ATRNL1: variants seen among roughly 807,000 people sequenced by gnomAD.
ATRNL1 encodes the protein attractin like 1, also known as attractin-like protein 1.
A neutral mutation model predicts 182.7 loss-of-function variants in ATRNL1; 95 were observed. The ratio of observed to expected loss-of-function variants is 0.52; its 90% CI spans 0.44 to 0.62. The LOEUF is 0.62. Ranked by LOEUF, ATRNL1 falls within the 20% of genes least tolerant of loss-of-function variation. ATRNL1 has a pLI of 0.00. For synonymous variants in ATRNL1, 576 were observed against 568.3 expected (o/e 1.01, Z -0.19); for missense variants, 1,471 against 1,679.5 (o/e 0.88, Z 2.17).
intron 14 of ATRNL1, among the ~76,000 whole-genome samples, chr10:115,282,373 G>A (rs1852408279): frequency 6.7e-6 from 1 of 150,306 alleles, no homozygotes; most frequent in Admixed American, 6.7e-5. Context: ...TCATCATTTA[G>A]CATCAGGTAT....
At chr10:115,895,533 C>T (rs1952184952) in intron 28 of ATRNL1, among the ~76,000 whole-genome samples, 1 of 152,216 alleles carries the variant, frequency 6.6e-6, no homozygotes, top group Non-Finnish European at 1.5e-5. Flanking sequence ...CTCAGTGAAA[C>T]ATCTTCTGCC....
intron 10 of ATRNL1, among the ~76,000 whole-genome samples, chr10:115,255,716 A>C (rs138786364): frequency 0.013 from 2,007 of 152,274 alleles, 40 homozygotes; most frequent in African/African-American, 0.046. Flanking sequence ...GTCTTGTGCC[A>C]GTTTTCAAAG....
intron 24 of ATRNL1, among the ~76,000 whole-genome samples, chr10:115,490,860 G>T (rs868974078): frequency 1.3e-5 from 2 of 152,076 alleles, no homozygotes; most frequent in African/African-American, 4.8e-5. Context: ...CCCCATCTTC[G>T]TGTATTTATC....
intron 19 of ATRNL1, among the ~76,000 whole-genome samples, chr10:115,373,753 A>T (rs1265389163): frequency 2.0e-5 from 3 of 151,842 alleles, no homozygotes; most frequent in African/African-American, 7.2e-5. Context: ...GGATTATTGA[A>T]ATGATTGAGT....
intron 19 of ATRNL1, among the ~76,000 whole-genome samples, chr10:115,346,401 G>T (rs1380769945): frequency 6.6e-6 from 1 of 152,136 alleles, no homozygotes; most frequent in Non-Finnish European, 1.5e-5. Context: ...CTTAGCATAA[G>T]CCTTCATGGT....
At chr10:115,527,771 T>C (rs1851298868) in intron 25 of ATRNL1, among the ~76,000 whole-genome samples, 1 of 151,638 alleles carries the variant, frequency 6.6e-6, no homozygotes, top group African/African-American at 2.4e-5. Flanking sequence ...TGCCTATTTT[T>C]CCTTCCTTCC....
chr10:115,728,139 A>AAAG (rs1321360851), intron 27 of ATRNL1, among the ~76,000 whole-genome samples: 1 of 148,282 alleles, frequency 6.7e-6, no homozygotes, highest in African/African-American at 2.5e-5. Context: ...AAAAAAAAAA[A>AAAG]AAAAAATTAG....
chr10:115,189,593 A>G (rs560595697), intron 8 of ATRNL1, among the ~76,000 whole-genome samples: 3 of 152,220 alleles, frequency 2.0e-5, no homozygotes, highest in African/African-American at 4.8e-5. Context: ...GAAAAAGCTT[A>G]TATAATAAGG....
intron 24 of ATRNL1, among the ~76,000 whole-genome samples, chr10:115,513,287 T>G (rs1850482157): frequency 6.6e-6 from 1 of 151,986 alleles, no homozygotes; most frequent in Admixed American, 6.6e-5. Flanking sequence ...GTATCAAATT[T>G]TCCTGTTTGA....
At chr10:115,637,213 T>A (rs1555028506) in intron 26 of ATRNL1, among the ~76,000 whole-genome samples, 1 of 152,046 alleles carries the variant, frequency 6.6e-6, no homozygotes, top group African/African-American at 2.4e-5. Context: ...TGACAATTCC[T>A]CAAGAATAGC....
At chr10:115,150,569 T>C (rs2143898138) in intron 5 of ATRNL1, among the ~76,000 whole-genome samples, 1 of 152,224 alleles carries the variant, frequency 6.6e-6, no homozygotes, top group East Asian at 1.9e-4. Flanking sequence ...TTTTATTTTC[T>C]CTTTAATTTA....
chr10:115,851,338 CTT>C (rs1306669302), intron 28 of ATRNL1, among the ~76,000 whole-genome samples: 3 of 148,748 alleles, frequency 2.0e-5, no homozygotes, highest in Non-Finnish European at 3.0e-5. Flanking sequence ...TTGGCCATCT[CTT>C]TTCAGGAGCA....
At chr10:115,829,633 A>G (rs1412364112) in intron 27 of ATRNL1, among the ~76,000 whole-genome samples, 2 of 152,106 alleles carry the variant, frequency 1.3e-5, no homozygotes, top group Non-Finnish European at 2.9e-5. Context: ...CCAAAAAAAG[A>G]TATACCCTTT....
chr10:115,280,643 G>T (rs917720136), intron 13 of ATRNL1, among the ~76,000 whole-genome samples: 1 of 152,190 alleles, frequency 6.6e-6, no homozygotes, highest in Non-Finnish European at 1.5e-5. Context: ...GAAGAACTTC[G>T]TGTAGTCCCT....
intron 5 of ATRNL1, among the ~76,000 whole-genome samples, chr10:115,151,937 G>A (rs1227141659): frequency 1.3e-5 from 2 of 152,174 alleles, no homozygotes; most frequent in Non-Finnish European, 2.9e-5. Context: ...CATATGGCTA[G>A]CCAGTTTTCC....
intron 8 of ATRNL1, among the ~76,000 whole-genome samples, chr10:115,201,618 G>C (rs1554892425): frequency 6.6e-6 from 1 of 152,252 alleles, no homozygotes; most frequent in African/African-American, 2.4e-5. Context: ...GTACCATGCT[G>C]TTTTGGTTAC....
At chr10:115,540,131 T>TAATA (rs1554991544) in intron 25 of ATRNL1, among the ~76,000 whole-genome samples, 5 of 147,614 alleles carry the variant, frequency 3.4e-5, no homozygotes, top group Admixed American at 1.4e-4. Flanking sequence ...AGTATAATAA[T>TAATA]AATAAATAAA....
chr10:115,132,383 A>G (rs1197164712), intron 5 of ATRNL1, among the ~76,000 whole-genome samples: 14 of 152,288 alleles, frequency 9.2e-5, no homozygotes, highest in African/African-American at 1.4e-4. Flanking sequence ...TAGTGCCGCA[A>G]TAAACATATG....
chr10:115,473,778 T>C (rs1554972571), intron 24 of ATRNL1, among the ~76,000 whole-genome samples: 5 of 151,344 alleles, frequency 3.3e-5, no homozygotes, highest in Admixed American at 2.7e-4. Flanking sequence ...AAGTTTTCTA[T>C]TTTCACATGA....
Sources: gnomAD v4.1 joint callset for allele counts (sites outside exome capture counted in the v4.1 genomes callset) on GRCh38, gnomAD v4.1.1 for gene constraint, MANE v1.5 for transcripts, NCBI Gene and HGNC (gene_info 2026-07-23, HGNC 2026-07-21) for gene names.